Variants in PDE6C observed in about 807,000 individuals in gnomAD.
The protein encoded by PDE6C is cone cGMP-specific 3',5'-cyclic phosphodiesterase subunit alpha'.
Under a neutral mutation model 113.1 loss-of-function variants are expected in PDE6C, and 75 were observed. The ratio of observed to expected loss-of-function variants is 0.66; its 90% CI spans 0.55 to 0.80. PDE6C has a LOEUF of 0.80. PDE6C is among the 30% of genes least tolerant of loss of function. PDE6C has a pLI of 0.00. For missense variants in PDE6C, 912 were observed against 1,038.6 expected (o/e 0.88, Z 1.67); for synonymous variants, 375 against 363.7 (o/e 1.03, Z -0.35).
chr10:93,654,790 C>CTTTCTTTCTTTCTT (rs2058626868), intron 15 of PDE6C, among the ~76,000 whole-genome samples: 1 of 69,062 alleles, frequency 1.4e-5, no homozygotes, highest in Non-Finnish European at 3.0e-5. Context: ...TTCTTTCTTT[C>CTTTCTTTCTTTCTT]TTTCTTTCTT....
intron 4 of PDE6C, 124 bp downstream of exon 4, chr10:93,622,196 C>T: frequency 9.4e-7 from 1 of 1,059,928 alleles, no homozygotes; most frequent in Non-Finnish European, 1.4e-6. Context: ...ATGACAAGAA[C>T]AGAGGTAAAA....
At chr10:93,645,466 A>G (rs1275047050) in intron 14 of PDE6C, among the ~76,000 whole-genome samples, 1 of 152,184 alleles carries the variant, frequency 6.6e-6, no homozygotes, top group Non-Finnish European at 1.5e-5. Flanking sequence ...GCATTGAAGA[A>G]AAACAGGGTA....
chr10:93,646,741 G>A (rs1362686365), intron 15 of PDE6C, among the ~76,000 whole-genome samples: 1 of 152,056 alleles, frequency 6.6e-6, no homozygotes, highest in African/African-American at 2.4e-5. Flanking sequence ...AGGAGGATGG[G>A]GCTAAACCAT....
At position 93,634,885 on chromosome 10, in the gene PDE6C, A is replaced by G. The variant is rs2058520399; in HGVS notation, c.1247A>G (p.Glu416Gly). 1.1e-5 allele frequency: 18 copies of G among 1,614,164 alleles called. No homozygotes were observed. The highest frequency in any genetic ancestry group is 1.4e-5 in the Non-Finnish European group (17 of 1,180,004). ...AGGAAGGATGGAAAACCTTTCGATG[A>G]GCATGATGAATACATTACCGAGGCA... ...YNRKDGKPFD[E>G]HDEYITETLT... The change falls in exon 9 of 22, where the codon GAG becomes GGG. Residue 416 changes from glutamate (E) to glycine (G), a missense_variant. By Grantham distance (98) the Glu-to-Gly change is moderately conservative (BLOSUM62 -2). Transcript: ENST00000371447.
chr10:93,627,027 C>T (rs971425331), intron 7 of PDE6C, among the ~76,000 whole-genome samples, 156 bp downstream of exon 7: 17 of 152,130 alleles, frequency 1.1e-4, no homozygotes, highest in Non-Finnish European at 1.8e-4. Context: ...CTTTGGGAGG[C>T]TGAGGCGGGC....
chr10:93,634,661 AT>A, intron 8 of PDE6C, 96 bp from the exon 9 acceptor site: 1 of 1,303,362 alleles, frequency 7.7e-7, no homozygotes, highest in Non-Finnish European at 1.1e-6. Flanking sequence ...GGTACCTGAA[AT>A]CTCTCTGTAC....
intron 15 of PDE6C, among the ~76,000 whole-genome samples, chr10:93,654,776 TTC>T (rs1245883132): frequency 1.8e-5 from 1 of 54,664 alleles, no homozygotes; most frequent in Non-Finnish European, 3.8e-5. Flanking sequence ...CTTTCTTTCT[TTC>T]TTTCTTTCTT....
chr10:93,644,146 T>C (rs1372729716), intron 14 of PDE6C, among the ~76,000 whole-genome samples: 1 of 152,228 alleles, frequency 6.6e-6, no homozygotes, highest in African/African-American at 2.4e-5. Flanking sequence ...GCAGGAATAC[T>C]ACATAGATGA....
At chr10:93,623,770 G>A (rs1040974487) in intron 4 of PDE6C, among the ~76,000 whole-genome samples, 3 of 152,074 alleles carry the variant, frequency 2.0e-5, no homozygotes, top group Non-Finnish European at 4.4e-5. Context: ...ATTTGTAAGG[G>A]TCTATTTCTG....
intron 16 of PDE6C, among the ~76,000 whole-genome samples, chr10:93,656,271 T>C (rs1055407864): frequency 2.0e-5 from 3 of 152,176 alleles, no homozygotes; most frequent in African/African-American, 7.2e-5. Flanking sequence ...GCCTCAGAAA[T>C]TTAATTCTGT....
chr10:93,654,779 T>TTTC (rs1295744473), intron 15 of PDE6C, among the ~76,000 whole-genome samples: 1 of 55,164 alleles, frequency 1.8e-5, no homozygotes, highest in African/African-American at 6.0e-5. Flanking sequence ...TCTTTCTTTC[T>TTTC]TTCTTTCTTT....
Position 93,613,256 on chromosome 10 carries a change from A to T in PDE6C, c.480+51A>T, listed in dbSNP as rs374935716. On this transcript the variant is annotated intron_variant, in intron 1 of 21. Coordinates refer to ENST00000371447, the MANE Select transcript of PDE6C (RefSeq NM_006204.4). ...AGAGGTCTTGGCAGGGTCAGGGAGG[A>T]ACAAATGGGAAAGAGAGATAGTGCT... 8.7e-6 allele frequency: 14 copies of T among 1,609,880 alleles called. No individual in the cohort carries two copies. In the South Asian group the frequency reaches 1.3e-4, roughly 15 times the overall value.
chr10:93,646,317 G>T (rs572294540), intron 15 of PDE6C, among the ~76,000 whole-genome samples: 1 of 152,198 alleles, frequency 6.6e-6, no homozygotes, highest in South Asian at 2.1e-4. Flanking sequence ...GGATGCAAAA[G>T]GGCTCCGTGC....
At chr10:93,620,474 G>A (rs927461841) in intron 1 of PDE6C, among the ~76,000 whole-genome samples, 158 bp from the exon 2 acceptor site, 1 of 152,176 alleles carries the variant, frequency 6.6e-6, no homozygotes, top group Non-Finnish European at 1.5e-5. Flanking sequence ...GTCATAGGAT[G>A]GCAGGTGGAG....
rs1268829706 is a variant in PDE6C, at chr10:93,625,661, T to C, written c.939+12T>C. On this transcript the variant is annotated intron_variant, in intron 5 of 21. Coordinates refer to ENST00000371447, the MANE Select transcript of PDE6C (RefSeq NM_006204.4). ...CACCTGATGGCAGGGTACGTGCAAA[T>C]GTCTTCCTTGATGCCATCTGTGCAT... 2 of 1,586,466 alleles carry C rather than the reference T, an allele frequency of 1.3e-6. No individual in the cohort carries two copies. Among genetic ancestry groups the C allele is most frequent in the Non-Finnish European group, 1.7e-6 (2 of 1,155,234 alleles).
rs934432994 is a variant in PDE6C at position 93,612,603 on chromosome 10, G to A, written c.-123G>A. 4 of 1,353,646 alleles carry A rather than the reference G, an allele frequency of 3.0e-6. No homozygotes were observed. Among genetic ancestry groups the A allele is most frequent in the African/African-American group, 1.4e-5 (1 of 70,026 alleles). 83.9% of individuals were successfully genotyped at this position (1,353,646 alleles called of 1,614,324 possible). A position where few individuals can be genotyped will look rare whatever the true frequency, so the allele number is the denominator to read the frequency against. On this transcript the variant is annotated 5_prime_UTR_variant, in exon 1 of 22. An upstream start codon of the reference 5' UTR is lost. Coordinates refer to ENST00000371447, the MANE Select transcript of PDE6C (RefSeq NM_006204.4). Reference sequence around the variant, plus strand: ...TCTGCTTGACCTTTGGAAGTCCTATGAGGGACCATTTACGGTTTCCTCAGT... The same window carrying A: ...TCTGCTTGACCTTTGGAAGTCCTATAAGGGACCATTTACGGTTTCCTCAGT...
At chr10:93,628,070 T>C (rs1384946075) in intron 7 of PDE6C, among the ~76,000 whole-genome samples, 3 of 152,152 alleles carry the variant, frequency 2.0e-5, no homozygotes, top group Admixed American at 6.5e-5. Flanking sequence ...AAATCTCCCA[T>C]GGCAAGAGAA....
intron 8 of PDE6C, among the ~76,000 whole-genome samples, chr10:93,629,753 C>G (rs908210129): frequency 1.3e-5 from 2 of 152,162 alleles, no homozygotes; most frequent in African/African-American, 4.8e-5. Context: ...GTTCACACTC[C>G]TATGAGAATC....
intron 15 of PDE6C, among the ~76,000 whole-genome samples, chr10:93,651,139 C>T (rs1170988201): frequency 6.6e-6 from 1 of 152,068 alleles, no homozygotes; most frequent in Admixed American, 6.6e-5. Flanking sequence ...GCACTTGTTC[C>T]CCTCTGAAAA....
Sources: allele counts gnomAD v4.1 joint callset (sites outside exome capture counted in the v4.1 genomes callset), GRCh38; gene constraint gnomAD v4.1.1; transcripts MANE v1.5; gene names NCBI Gene and HGNC (gene_info 2026-07-23, HGNC 2026-07-21).